Variants in NAALADL2 observed in about 807,000 individuals in gnomAD.
NAALADL2 encodes the protein N-acetylated alpha-linked acidic dipeptidase like 2, also known as inactive N-acetylated-alpha-linked acidic dipeptidase-like protein 2.
Under a neutral mutation model 87.2 loss-of-function variants are expected in NAALADL2, and 76 were observed. The ratio of observed to expected loss-of-function variants is 0.87; its 90% CI spans 0.72 to 1.05. The LOEUF (loss-of-function observed/expected upper bound fraction) is 1.05. Ranked by LOEUF, NAALADL2 falls within the 50% of genes least tolerant of loss-of-function variation. The pLI, the probability that NAALADL2 is intolerant of heterozygous loss-of-function variation, is 0.00. For missense variants in NAALADL2, 1,089 were observed against 945.8 expected (o/e 1.15, Z -1.99); for synonymous variants, 354 against 331.0 (o/e 1.07, Z -0.75).
At chr3:175,704,353 A>G (rs1739380491) in intron 11 of NAALADL2, among the ~76,000 whole-genome samples, 1 of 152,182 alleles carries the variant, frequency 6.6e-6, no homozygotes, top group African/African-American at 2.4e-5. Flanking sequence ...CTATTTTATG[A>G]GTTTCAGTAA....
intron 4 of NAALADL2, among the ~76,000 whole-genome samples, chr3:175,280,852 T>A (rs1458172717): frequency 6.6e-6 from 1 of 152,050 alleles, no homozygotes; most frequent in African/African-American, 2.4e-5. Flanking sequence ...TGACCATTTT[T>A]AATCTTTTTA....
At chr3:174,467,422 G>A (rs570519626) in intron 1 of NAALADL2, among the ~76,000 whole-genome samples, 9 of 151,156 alleles carry the variant, frequency 6.0e-5, no homozygotes, top group African/African-American at 2.2e-4. Flanking sequence ...GTGAAACCCC[G>A]TGGCTACTAA....
chr3:175,738,272 A>C lies in NAALADL2; in HGVS notation c.1990+873A>C, dbSNP rs571810599. ...TTTTTTTCTTTTTTTTTGAGATGGAATCTCACTGTCTATTGCCCAGGCTGG... is the reference window on the plus strand; with the variant it reads ...TTTTTTTCTTTTTTTTTGAGATGGACTCTCACTGTCTATTGCCCAGGCTGG... On this transcript the variant is annotated intron_variant, in intron 12 of 13. Coordinates refer to ENST00000454872, the MANE Select transcript of NAALADL2 (RefSeq NM_207015.3). Among the ~76,000 whole-genome samples, 34 of 151,936 alleles carry C rather than the reference A, an allele frequency of 2.2e-4. 1 individual carries two copies. Among genetic ancestry groups the C allele is most frequent in the African/African-American group, 7.0e-4 (29 of 41,440 alleles).
intron 1 of NAALADL2, 102 bp downstream of exon 1, chr3:174,859,552 C>A (rs964144768): frequency 4.5e-6 from 4 of 882,544 alleles, no homozygotes; most frequent in African/African-American, 3.3e-5. Context: ...CACACGCATC[C>A]CTGCATGCAT....
chr3:175,390,417 T>C (rs890424776), intron 5 of NAALADL2, among the ~76,000 whole-genome samples: 1 of 152,138 alleles, frequency 6.6e-6, no homozygotes, highest in African/African-American at 2.4e-5. Context: ...AGCAAGGAAA[T>C]TGGTAAATTC....
Position 175,234,135 on chromosome 3 carries a change from A to T in NAALADL2, c.750A>T (p.Glu250Asp). ...CTAATGGCCAGCCTTGCAGTGAAGAAGCCAGAAAAGATAGCAGCCAAGACC... is the reference window on the plus strand; with the variant it reads ...CTAATGGCCAGCCTTGCAGTGAAGATGCCAGAAAAGATAGCAGCCAAGACC... ...FHPNGQPCSEEARKDSSQDLL... is the reference protein window; with the variant it reads ...FHPNGQPCSEDARKDSSQDLL... Residue 250 changes from glutamate to aspartate, a missense_variant, in exon 3 of 14, where the codon GAA becomes GAT. Transcript: ENST00000454872. 6.2e-7 allele frequency: 1 copy of T among 1,613,920 alleles called. No individual in the cohort carries two copies. The highest frequency in any genetic ancestry group is 8.5e-7 in the Non-Finnish European group (1 of 1,179,834).
chr3:174,449,543 G>A (rs555121963), intron 1 of NAALADL2, among the ~76,000 whole-genome samples: 5 of 152,188 alleles, frequency 3.3e-5, no homozygotes, highest in Non-Finnish European at 7.4e-5. Flanking sequence ...AGACAATCAC[G>A]ATCCAAGATT....
chr3:175,439,072 G>A lies in NAALADL2; in HGVS notation c.1091-8157G>A, dbSNP rs183938259. On this transcript the variant is annotated intron_variant, in intron 5 of 13. Transcript: ENST00000454872. The stretch of plus-strand genomic sequence containing the variant: ...TATGCCTTTGTGTCCTCATAGCTTC[G>A]CTACTACTTATGAGTGAGAACAGAT... Among the ~76,000 whole-genome samples, 907 of 152,082 alleles carry A rather than the reference G, an allele frequency of 6.0e-3. 1 individual carries two copies. The highest frequency in any genetic ancestry group is 8.6e-3 in the Non-Finnish European group (586 of 67,986).
At chr3:175,338,051 G>A (rs1487938214) in intron 5 of NAALADL2, among the ~76,000 whole-genome samples, 1 of 152,180 alleles carries the variant, frequency 6.6e-6, no homozygotes, top group African/African-American at 2.4e-5. Flanking sequence ...CACTAGTAAA[G>A]CAATTAATGA....
At chr3:175,600,134 A>G (rs1722758274) in intron 10 of NAALADL2, among the ~76,000 whole-genome samples, 1 of 152,040 alleles carries the variant, frequency 6.6e-6, no homozygotes. Flanking sequence ...TTCAATAGAT[A>G]TATTTGAATT....
At chr3:175,500,508 T>G (rs984291237) in intron 9 of NAALADL2, among the ~76,000 whole-genome samples, 1 of 151,908 alleles carries the variant, frequency 6.6e-6, no homozygotes, top group Admixed American at 6.6e-5. Flanking sequence ...ATTCATCTAG[T>G]ATACTTCTAA....
intron 11 of NAALADL2, among the ~76,000 whole-genome samples, chr3:175,646,214 A>G (rs906718883): frequency 6.6e-6 from 1 of 152,040 alleles, no homozygotes; most frequent in Non-Finnish European, 1.5e-5. Flanking sequence ...TGGAACTCAG[A>G]TATTTTAAAG....
intron 5 of NAALADL2, among the ~76,000 whole-genome samples, chr3:175,427,368 T>C (rs529525518): frequency 1.7e-4 from 26 of 152,176 alleles, no homozygotes; most frequent in Non-Finnish European, 3.5e-4. Context: ...CTTATGGAAA[T>C]AGAACATGAA....
intron 10 of NAALADL2, among the ~76,000 whole-genome samples, chr3:175,582,145 G>A (rs923949969): frequency 1.3e-5 from 2 of 151,828 alleles, no homozygotes; most frequent in Admixed American, 6.6e-5. Context: ...CATAAAGGAA[G>A]CCTGTTAAAA....
chr3:174,793,093 T>C (rs1717658283), intron 3 of NAALADL2, among the ~76,000 whole-genome samples: 1 of 152,132 alleles, frequency 6.6e-6, no homozygotes, highest in African/African-American at 2.4e-5. Flanking sequence ...GATAACAATG[T>C]CCTTAAGTAC....
chr3:174,939,988 G>A (rs28850640), intron 1 of NAALADL2, among the ~76,000 whole-genome samples: 1,959 of 152,076 alleles, frequency 0.013, 44 homozygotes, highest in African/African-American at 0.045. Context: ...CTACTTAGGT[G>A]TTCTTTATTT....
At chr3:175,623,347 G>A (rs141933166) in intron 10 of NAALADL2, among the ~76,000 whole-genome samples, 20 of 146,620 alleles carry the variant, frequency 1.4e-4, no homozygotes, top group African/African-American at 4.7e-4. Flanking sequence ...AGTTAGTCCT[G>A]AACAGAGGAG....
intron 11 of NAALADL2, among the ~76,000 whole-genome samples, chr3:175,732,639 C>A (rs543535710): frequency 1.7e-3 from 253 of 152,174 alleles, no homozygotes; most frequent in African/African-American, 5.8e-3. Context: ...CTTTGAGAAA[C>A]ACAGAAGTGT....
intron 1 of NAALADL2, among the ~76,000 whole-genome samples, chr3:174,963,279 T>C (rs1036694428): frequency 6.6e-6 from 1 of 152,148 alleles, no homozygotes. Context: ...GAATAATTCA[T>C]GGTAAACTTT....
Sources: allele counts gnomAD v4.1 joint callset (sites outside exome capture counted in the v4.1 genomes callset), GRCh38; gene constraint gnomAD v4.1.1; transcripts MANE v1.5; gene names NCBI Gene and HGNC (gene_info 2026-07-23, HGNC 2026-07-21).